The following WNT8A variants were observed in gnomAD, a reference collection of about 807,000 sequenced individuals.
WNT8A encodes Wnt family member 8A, also known as protein Wnt-8a.
WNT8A carries 14 observed loss-of-function variants against 20.5 expected under a neutral mutation model. That is an observed-to-expected ratio of 0.68 (90% CI 0.45 to 1.07). WNT8A has a LOEUF of 1.07. WNT8A is among the 50% of genes least tolerant of loss of function. The pLI is 0.00. For synonymous variants in WNT8A, 167 were observed against 169.2 expected, an observed-to-expected ratio of 0.99 and a Z score of 0.10; for missense variants, 397 against 462.9, an observed-to-expected ratio of 0.86 and a Z score of 1.31.
intron 2 of WNT8A, among the ~76,000 whole-genome samples, chr5:138,084,897 G>A (rs948880271): frequency 6.6e-6 from 1 of 152,052 alleles, no homozygotes; most frequent in African/African-American, 2.4e-5. Context: ...GTGGGTATGA[G>A]GTGTCTCTAT....
Position 138,084,233 on chromosome 5 carries a change from T to C in WNT8A, c.106T>C (p.Phe36Leu). The C allele has an allele frequency of 1.2e-6, 2 of 1,614,120 alleles. No individual in the cohort carries two copies. Among genetic ancestry groups the C allele is most frequent in the Non-Finnish European group, 8.5e-7 (1 of 1,180,020 alleles). Residue 36 changes from phenylalanine (F) to leucine (L), a missense_variant, in exon 1 of 5, where the codon TTT (phenylalanine) becomes CTT (leucine). By Grantham distance (22) the Phe-to-Leu change is conservative. Coordinates refer to ENST00000506684, the MANE Select transcript of WNT8A (RefSeq NM_001300939.2). ...CATCCCCATTCACCTCTGCCTCACT[T>C]TTTCTCTTTTTGGTAGGTCAGTGAA... ...CLIPIHLCLT[F>L]SLFGRSVNNF...
chr5:138,082,689 C>T (rs1032584581), upstream of WNT8A, among the ~76,000 whole-genome samples: 2 of 151,692 alleles, frequency 1.3e-5, no homozygotes, highest in Admixed American at 1.3e-4. Context: ...ACCATCCCGG[C>T]CAACATGGTG....
At chr5:138,084,390 CCATGGTTGA>C in intron 1 of WNT8A, 99 bp from the exon 2 acceptor site, 1 of 1,551,512 alleles carries the variant, frequency 6.4e-7, no homozygotes, top group Non-Finnish European at 8.7e-7. Context: ...CCAGAGGAAC[CCATGGTTGA>C]TTCTTAATGG....
chr5:138,090,380 C>T, intron 4 of WNT8A, 148 bp from the exon 5 acceptor site: 4 of 694,958 alleles, frequency 5.8e-6, no homozygotes, highest in Admixed American at 2.9e-5. Flanking sequence ...GAGGTAGGGT[C>T]GAGGAATAAA....
chr5:138,077,830 G>A, the WNT8A span, among the ~76,000 whole-genome samples: 63 of 152,086 alleles, frequency 4.1e-4, no homozygotes, highest in Non-Finnish European at 8.5e-4. Context: ...TCGCTGTGTG[G>A]CTGGGATTGG....
At chr5:138,079,891 CA>C (rs1213939526), upstream of WNT8A, among the ~76,000 whole-genome samples, 3 of 152,286 alleles carry the variant, frequency 2.0e-5, no homozygotes, top group African/African-American at 7.2e-5. Flanking sequence ...CCTCTGTCTG[CA>C]GTGAAAAATT....
chr5:138,082,157 CAAG>C (rs1317181481), upstream of WNT8A, among the ~76,000 whole-genome samples: 1 of 152,218 alleles, frequency 6.6e-6, no homozygotes, highest in Non-Finnish European at 1.5e-5. Flanking sequence ...CTTCAGCAAC[CAAG>C]AAGGACTTTC....
intron 4 of WNT8A, among the ~76,000 whole-genome samples, chr5:138,089,775 C>T (rs1272211896): frequency 3.9e-5 from 6 of 152,164 alleles, no homozygotes; most frequent in Admixed American, 2.0e-4. Flanking sequence ...CATCCTCCCA[C>T]CTCAGCCTCC....
downstream of WNT8A, among the ~76,000 whole-genome samples, chr5:138,091,917 G>A (rs924646824): frequency 1.2e-5 from 1 of 82,334 alleles, no homozygotes; most frequent in Admixed American, 1.3e-4. Context: ...ACCCACGCCT[G>A]GGGAAACCAG....
chr5:138,090,014 G>A (rs894932128), intron 4 of WNT8A, among the ~76,000 whole-genome samples: 5 of 152,148 alleles, frequency 3.3e-5, no homozygotes, highest in African/African-American at 1.2e-4. Context: ...TGCCTTGGGG[G>A]TATAAGTGTT....
chr5:138,082,748 A>T (rs966472839), upstream of WNT8A, among the ~76,000 whole-genome samples: 3 of 151,762 alleles, frequency 2.0e-5, no homozygotes, highest in Admixed American at 2.0e-4. Flanking sequence ...ATGGTGGCGC[A>T]CACCTGTAAT....
upstream of WNT8A, chr5:138,083,829 C>T: frequency 2.4e-6 from 1 of 413,596 alleles, no homozygotes; most frequent in Non-Finnish European, 4.3e-6. Context: ...CAGCCTCCTT[C>T]TCATTCTGGG....
At chr5:138,083,101 C>T (rs1057283984), upstream of WNT8A, among the ~76,000 whole-genome samples, 2 of 151,430 alleles carry the variant, frequency 1.3e-5, no homozygotes, top group Admixed American at 1.3e-4. Context: ...GGCCAACTGG[C>T]GAAACCCCTT....
chr5:138,092,100 T>C (rs1378697613), downstream of WNT8A: 12 of 152,130 alleles, frequency 7.9e-5, no homozygotes, highest in African/African-American at 2.2e-4. Flanking sequence ...GATTGAGAAC[T>C]CAACTGTATT....
rs1351472584 is a variant in WNT8A at position 138,084,276 on chromosome 5, G to A, written c.149G>A (p.Gly50Asp). Reference protein sequence around the residue: ...GRSVNNFLITGPKAYLTYTTS... With the variant: ...GRSVNNFLITDPKAYLTYTTS... ...TCAGTGAACAATTTCCTGATAACAG[G>A]TCCCAAGGTAGGATGATCTCCAGCT... is the stretch of plus-strand genomic sequence containing the variant. Residue 50 changes from glycine (G) to aspartate (D), a missense_variant, in exon 1 of 5, where the codon GGT (glycine) becomes GAT (aspartate). By Grantham distance (94) the Gly-to-Asp change is moderately conservative (BLOSUM62 -1). Coordinates refer to ENST00000506684, the MANE Select transcript of WNT8A (RefSeq NM_001300939.2). 2.5e-6 allele frequency: 4 copies of A among 1,613,912 alleles called. No individual in the cohort carries two copies. The African/African-American group carries it at 4.0e-5, about 16-fold the overall frequency.
chr5:138,091,478 G>T lies in WNT8A; in HGVS notation c.*405G>T, dbSNP rs752824362. The T allele has an allele frequency of 3.0e-6, 4 of 1,351,944 alleles. No homozygotes were observed. In the African/African-American group the frequency reaches 5.9e-5, roughly 20 times the overall value. 83.7% of individuals were successfully genotyped at this position (1,351,944 alleles called of 1,614,324 possible). A position where few individuals can be genotyped will look rare whatever the true frequency, so the allele number is the denominator to read the frequency against. On this transcript the variant is annotated 3_prime_UTR_variant, in exon 5 of 5. Transcript: ENST00000506684. ...AATCAGGAGAATAGAAGCAAAAAACGAAAGAGTTCTGTTCAGACTTCTGAA... is the reference window on the plus strand; with the variant it reads ...AATCAGGAGAATAGAAGCAAAAAACTAAAGAGTTCTGTTCAGACTTCTGAA...
upstream of WNT8A, chr5:138,083,996 T>C: frequency 8.2e-7 from 1 of 1,221,080 alleles, no homozygotes; most frequent in Non-Finnish European, 1.1e-6. Context: ...CATTCAGAAT[T>C]TTCTCACATA....
At chr5:138,085,014 G>A (rs1457114745) in intron 2 of WNT8A, among the ~76,000 whole-genome samples, 2 of 151,734 alleles carry the variant, frequency 1.3e-5, no homozygotes, top group Non-Finnish European at 2.9e-5. Context: ...TCGGCTTACC[G>A]CAACTTCCGC....
At position 138,090,720 on chromosome 5, in the gene WNT8A, T is replaced by C. The variant is rs758725950; in HGVS notation, c.757T>C (p.Trp253Arg). 5.6e-6 allele frequency: 9 copies of C among 1,614,246 alleles called. No homozygotes were observed. In the Admixed American group the frequency reaches 1.0e-4, roughly 18 times the overall value. The change falls in exon 5 of 5, where the codon TGG (tryptophan) becomes CGG (arginine). Residue 253 changes from tryptophan (W) to arginine (R), a missense_variant. By Grantham distance (101) the Trp-to-Arg change is moderately radical (BLOSUM62 -3). Coordinates refer to ENST00000506684, the MANE Select transcript of WNT8A (RefSeq NM_001300939.2). ...LRAGNSAEGH[W>R]VPAEAFLPSA... ...AGCTGGGAACAGCGCCGAGGGCCACTGGGTGCCCGCTGAGGCCTTCCTTCC... is the reference window on the plus strand; with the variant it reads ...AGCTGGGAACAGCGCCGAGGGCCACCGGGTGCCCGCTGAGGCCTTCCTTCC...
Sources: gnomAD v4.1 joint callset for allele counts (sites outside exome capture counted in the v4.1 genomes callset) on GRCh38, gnomAD v4.1.1 for gene constraint, MANE v1.5 for transcripts, NCBI Gene and HGNC (gene_info 2026-07-23, HGNC 2026-07-21) for gene names.